Variants in GRIK1 observed in about 807,000 individuals in gnomAD.
The protein encoded by GRIK1 is glutamate receptor ionotropic, kainate 1.
A neutral mutation model predicts 105.7 loss-of-function variants in GRIK1; 69 were observed. The ratio of observed to expected loss-of-function variants is 0.65; its 90% CI spans 0.54 to 0.80. The LOEUF (loss-of-function observed/expected upper bound fraction) is 0.80. Ranked by LOEUF, GRIK1 falls within the 30% of genes least tolerant of loss-of-function variation. GRIK1 has a pLI of 0.00. For missense variants in GRIK1, 1,109 were observed against 1,167.3 expected (o/e 0.95, Z 0.73); for synonymous variants, 438 against 431.3 (o/e 1.02, Z -0.19).
chr21:29,569,012 A>G (rs560378829), intron 14 of GRIK1, among the ~76,000 whole-genome samples: 6 of 152,192 alleles, frequency 3.9e-5, no homozygotes, highest in Non-Finnish European at 8.8e-5. Flanking sequence ...GGCATATGCA[A>G]TGTATGTGCT....
intron 1 of GRIK1, among the ~76,000 whole-genome samples, chr21:29,858,380 AG>A (rs2068530396): frequency 6.6e-6 from 1 of 152,142 alleles, no homozygotes; most frequent in Non-Finnish European, 1.5e-5. Flanking sequence ...CTGCAGTACC[AG>A]GTCCTATGTC....
At chr21:29,832,387 C>G (rs2067667443) in intron 1 of GRIK1, among the ~76,000 whole-genome samples, 1 of 152,162 alleles carries the variant, frequency 6.6e-6, no homozygotes, top group Non-Finnish European at 1.5e-5. Context: ...CACATTTTTC[C>G]TCTACATTGC....
chr21:29,935,877 T>C (rs761333121), intron 1 of GRIK1, among the ~76,000 whole-genome samples: 8 of 152,152 alleles, frequency 5.3e-5, no homozygotes, highest in Admixed American at 1.3e-4. Context: ...CTTATAAAGA[T>C]ACACCAATCA....
At chr21:29,795,646 A>G (rs1291985759) in intron 1 of GRIK1, among the ~76,000 whole-genome samples, 3 of 152,226 alleles carry the variant, frequency 2.0e-5, no homozygotes, top group Non-Finnish European at 4.4e-5. Flanking sequence ...AACAGTCTTC[A>G]AGACCACAAC....
intron 1 of GRIK1, among the ~76,000 whole-genome samples, chr21:29,694,597 A>ATT (rs2063658867): frequency 6.6e-6 from 1 of 152,224 alleles, no homozygotes. Context: ...GTTGGACTGT[A>ATT]TACCATCTCT....
chr21:29,570,392 C>A (rs2090713735), intron 14 of GRIK1, among the ~76,000 whole-genome samples: 1 of 151,934 alleles, frequency 6.6e-6, no homozygotes, highest in African/African-American at 2.4e-5. Context: ...ATCCCAGCTA[C>A]TCAGGAGGCT....
At chr21:29,542,143 TAGA>T (rs1440101652) in intron 16 of GRIK1, among the ~76,000 whole-genome samples, 2 of 152,174 alleles carry the variant, frequency 1.3e-5, no homozygotes, top group Admixed American at 1.3e-4. Flanking sequence ...CTCTTGGCTT[TAGA>T]AGGAGAGAGA....
chr21:29,631,622 A>G (rs1013850436), intron 7 of GRIK1, among the ~76,000 whole-genome samples: 4 of 152,232 alleles, frequency 2.6e-5, no homozygotes, highest in Non-Finnish European at 5.9e-5. Flanking sequence ...GCTGTTGAGC[A>G]CTTGAAATGT....
At chr21:29,887,542 C>T (rs1465465908) in intron 1 of GRIK1, among the ~76,000 whole-genome samples, 3 of 152,232 alleles carry the variant, frequency 2.0e-5, no homozygotes, top group East Asian at 3.9e-4. Context: ...CAGAACTGTG[C>T]TAGACTACTG....
chr21:29,620,792 T>TA (rs1491286680), intron 7 of GRIK1, among the ~76,000 whole-genome samples: 1 of 109,704 alleles, frequency 9.1e-6, no homozygotes, highest in African/African-American at 5.2e-5. Flanking sequence ...GATATATATA[T>TA]CTATATATAT....
At position 29,577,201 on chromosome 21, in the gene GRIK1, G is replaced by A. The variant is rs754645752; in HGVS notation, c.1913-20C>T. The A allele has an allele frequency of 2.2e-6, 3 of 1,379,486 alleles. No individual in the cohort carries two copies. Among genetic ancestry groups the A allele is most frequent in the African/African-American group, 2.8e-5 (2 of 70,308 alleles). 85.5% of individuals were successfully genotyped at this position (1,379,486 alleles called of 1,614,324 possible). A position where few individuals can be genotyped will look rare whatever the true frequency, so the allele number is the denominator to read the frequency against. On this transcript the variant is annotated intron_variant, in intron 13 of 17. Transcript: ENST00000327783. ...CTGATCCTGTGATGGTATCATCAGA[G>A]TAAGGGTGTTAAACACAGTCAGAAG... is the stretch of plus-strand genomic sequence containing the variant.
At chr21:29,557,773 G>A (rs1401891123) in intron 15 of GRIK1, among the ~76,000 whole-genome samples, 1 of 152,118 alleles carries the variant, frequency 6.6e-6, no homozygotes, top group Admixed American at 6.6e-5. Context: ...GTAAAAATTA[G>A]CACCATTGAT....
At chr21:29,782,492 G>C (rs1311897511) in intron 1 of GRIK1, among the ~76,000 whole-genome samples, 2 of 152,142 alleles carry the variant, frequency 1.3e-5, no homozygotes, top group Non-Finnish European at 2.9e-5. Flanking sequence ...TTTCAGAAGG[G>C]CAAGGGGTGG....
chr21:29,787,223 CTTAGTG>C (rs1341448260), intron 1 of GRIK1, among the ~76,000 whole-genome samples: 1 of 152,174 alleles, frequency 6.6e-6, no homozygotes, highest in African/African-American at 2.4e-5. Context: ...ATACAGAGGA[CTTAGTG>C]TTAGAATGCC....
chr21:29,764,670 A>G (rs1168649598), intron 1 of GRIK1, among the ~76,000 whole-genome samples: 1 of 152,222 alleles, frequency 6.6e-6, no homozygotes, highest in Non-Finnish European at 1.5e-5. Flanking sequence ...CTATATCTTC[A>G]TAAACAAATA....
chr21:29,610,066 A>G (rs1284027482), intron 7 of GRIK1, among the ~76,000 whole-genome samples: 1 of 152,170 alleles, frequency 6.6e-6, no homozygotes, highest in Non-Finnish European at 1.5e-5. Flanking sequence ...CTGGTCTGTT[A>G]TTTGTTCTAT....
intron 1 of GRIK1, among the ~76,000 whole-genome samples, chr21:29,724,214 T>C (rs375561731): frequency 7.9e-5 from 12 of 152,370 alleles, no homozygotes; most frequent in Admixed American, 6.5e-4. Flanking sequence ...AATGGTTGTT[T>C]GAATGTCCCA....
At chr21:29,672,874 G>T in intron 4 of GRIK1, 109 bp downstream of exon 4, 1 of 758,754 alleles carries the variant, frequency 1.3e-6, no homozygotes, top group Non-Finnish European at 2.2e-6. Flanking sequence ...AGCATAAACG[G>T]GACTGCTGCA....
At chr21:29,675,090 C>G (rs1361399045) in intron 3 of GRIK1, among the ~76,000 whole-genome samples, 1 of 152,064 alleles carries the variant, frequency 6.6e-6, no homozygotes, top group Non-Finnish European at 1.5e-5. Context: ...ATGATGTAAC[C>G]ATTATTACTA....
Sources: gnomAD v4.1 joint callset for allele counts (sites outside exome capture counted in the v4.1 genomes callset) on GRCh38, gnomAD v4.1.1 for gene constraint, MANE v1.5 for transcripts, NCBI Gene and HGNC (gene_info 2026-07-23, HGNC 2026-07-21) for gene names.